Variants in MYO3B observed in about 807,000 individuals in gnomAD.
The protein encoded by MYO3B is myosin IIIB, also known as myosin-IIIb.
MYO3B carries 156 observed loss-of-function variants against 174.6 expected under a neutral mutation model. That is an observed-to-expected ratio of 0.89 (90% CI 0.78 to 1.02). MYO3B has a LOEUF of 1.02. MYO3B is among the 50% of genes least tolerant of loss of function. The pLI, the probability that MYO3B is intolerant of heterozygous loss-of-function variation, is 0.00. For synonymous variants in MYO3B, 563 were observed against 569.1 expected (o/e 0.99, Z 0.15); for missense variants, 1,632 against 1,639.4 (o/e 1.00, Z 0.08).
At chr2:170,286,203 G>A (rs1171027045) in intron 7 of MYO3B, among the ~76,000 whole-genome samples, 3 of 152,160 alleles carry the variant, frequency 2.0e-5, no homozygotes, top group East Asian at 3.8e-4. Flanking sequence ...TTCCAAAGCA[G>A]CCAAAGCAAT....
chr2:170,263,945 C>A (rs1361953027), intron 7 of MYO3B, among the ~76,000 whole-genome samples: 1 of 152,188 alleles, frequency 6.6e-6, no homozygotes, highest in Non-Finnish European at 1.5e-5. Flanking sequence ...AAACCTTGGA[C>A]AATACCTGGC....
At chr2:170,285,732 CT>C (rs2093551248) in intron 7 of MYO3B, among the ~76,000 whole-genome samples, 1 of 151,334 alleles carries the variant, frequency 6.6e-6, no homozygotes, top group Non-Finnish European at 1.5e-5. Flanking sequence ...TGTCAAATTT[CT>C]CGATCTTTTT....
chr2:170,271,892 T>C (rs568143753), intron 7 of MYO3B, among the ~76,000 whole-genome samples: 1 of 152,196 alleles, frequency 6.6e-6, no homozygotes, highest in South Asian at 2.1e-4. Context: ...GAATTTGAGG[T>C]GGGGACTAGT....
chr2:170,248,512 C>T (rs931786354), intron 7 of MYO3B, among the ~76,000 whole-genome samples: 1 of 152,162 alleles, frequency 6.6e-6, no homozygotes, highest in Admixed American at 6.5e-5. Context: ...ATGGGTCTCC[C>T]TGGGCTAAAA....
At position 170,401,705 on chromosome 2, in the gene MYO3B, A is replaced by G. The variant is rs2094477220; in HGVS notation, c.2129+14A>G. 3.1e-6 allele frequency: 5 copies of G among 1,611,106 alleles called. No homozygotes were observed. The highest frequency in any genetic ancestry group is 4.2e-6 in the Non-Finnish European group (5 of 1,179,250). ...CGAAAACATATGGCAAGTTCCTCGG[A>G]GAGCAGAGGGTCTCAGGAGAGCTGT... On this transcript the variant is annotated intron_variant, in intron 18 of 34. Coordinates refer to ENST00000408978, the MANE Select transcript of MYO3B (RefSeq NM_138995.5).
chr2:170,370,355 G>A (rs2094231806), intron 9 of MYO3B, among the ~76,000 whole-genome samples: 1 of 152,164 alleles, frequency 6.6e-6, no homozygotes, highest in East Asian at 1.9e-4. Flanking sequence ...TGGAGGCGTA[G>A]TATCAAGGTG....
chr2:170,367,542 G>A (rs2105674712), intron 8 of MYO3B, among the ~76,000 whole-genome samples: 1 of 152,280 alleles, frequency 6.6e-6, no homozygotes, highest in Middle Eastern at 3.4e-3. Context: ...GTTTATCTTA[G>A]GAGTTTTTAT....
At chr2:170,518,515 C>T (rs1688462353) in intron 29 of MYO3B, among the ~76,000 whole-genome samples, 1 of 152,282 alleles carries the variant, frequency 6.6e-6, no homozygotes, top group Non-Finnish European at 1.5e-5. Flanking sequence ...TAATTGATGG[C>T]AGTTCCCATC....
At chr2:170,529,642 T>A (rs921616273) in intron 30 of MYO3B, among the ~76,000 whole-genome samples, 1 of 152,224 alleles carries the variant, frequency 6.6e-6, no homozygotes, top group Non-Finnish European at 1.5e-5. Flanking sequence ...CGTTGTATCC[T>A]CATCAAGCTC....
intron 8 of MYO3B, among the ~76,000 whole-genome samples, chr2:170,363,099 T>C (rs2094173782): frequency 1.3e-5 from 2 of 152,144 alleles, no homozygotes; most frequent in South Asian, 4.1e-4. Context: ...GGCAGGGAAA[T>C]GCTTGCTCAG....
rs138788291 is a variant in MYO3B, at chr2:170,617,023, G to A, written c.3734-34605G>A. On this transcript the variant is annotated intron_variant, in intron 32 of 34. Coordinates refer to ENST00000408978, the MANE Select transcript of MYO3B (RefSeq NM_138995.5). ...CTACCTCCCATCCATATAACAGTTT[G>A]TCTTAGATCATTAATTTGATTAGCC... 2.4e-3 allele frequency among the ~76,000 whole-genome samples: 361 copies of A among 152,234 alleles called. 2 individuals are homozygous for A. The highest frequency in any genetic ancestry group is 3.6e-3 in the Admixed American group (55 of 15,294).
intron 7 of MYO3B, among the ~76,000 whole-genome samples, chr2:170,245,709 T>A (rs1297709883): frequency 3.9e-5 from 6 of 152,252 alleles, no homozygotes; most frequent in Non-Finnish European, 1.5e-5. Flanking sequence ...CTCTATATTC[T>A]GTGGCTTCTC....
Position 170,519,160 on chromosome 2 carries a change from C to T in MYO3B, c.3473-278C>T, listed in dbSNP as rs1315501467. On this transcript the variant is annotated intron_variant, in intron 29 of 34. Coordinates refer to ENST00000408978, the MANE Select transcript of MYO3B (RefSeq NM_138995.5). The stretch of plus-strand genomic sequence containing the variant: ...CTACCGGGACCCAAATCACTTGGGG[C>T]CTCTAATCTGTGCACTCTTTATATC... 2.6e-5 allele frequency among the ~76,000 whole-genome samples: 4 copies of T among 152,070 alleles called. No homozygotes were observed. In the East Asian group the frequency reaches 7.7e-4, roughly 29 times the overall value.
chr2:170,266,791 A>C (rs2093387136), intron 7 of MYO3B, among the ~76,000 whole-genome samples: 1 of 152,232 alleles, frequency 6.6e-6, no homozygotes, highest in Non-Finnish European at 1.5e-5. Context: ...ATGGCAATAG[A>C]GTGAAACAGT....
chr2:170,353,548 A>G (rs1326498159), intron 8 of MYO3B, among the ~76,000 whole-genome samples: 1 of 152,186 alleles, frequency 6.6e-6, no homozygotes, highest in Admixed American at 6.5e-5. Context: ...GTGAACTTTA[A>G]TGTAAACCAT....
chr2:170,446,296 A>G (rs1036577630), intron 23 of MYO3B, among the ~76,000 whole-genome samples: 4 of 152,130 alleles, frequency 2.6e-5, no homozygotes, highest in African/African-American at 9.7e-5. Flanking sequence ...AGAAACATTA[A>G]AGAACCCCGT....
intron 32 of MYO3B, among the ~76,000 whole-genome samples, chr2:170,647,718 A>G (rs1421430454): frequency 6.6e-6 from 1 of 152,242 alleles, no homozygotes; most frequent in Non-Finnish European, 1.5e-5. Flanking sequence ...AATTAAGAAC[A>G]TTCTATCCAA....
intron 32 of MYO3B, among the ~76,000 whole-genome samples, chr2:170,624,846 C>T (rs1171553776): frequency 6.6e-6 from 1 of 152,124 alleles, no homozygotes; most frequent in Non-Finnish European, 1.5e-5. Flanking sequence ...CTCTTTGGTT[C>T]TGTTTATATG....
At chr2:170,238,121 A>T (rs1014021074) in intron 7 of MYO3B, among the ~76,000 whole-genome samples, 2 of 152,166 alleles carry the variant, frequency 1.3e-5, no homozygotes, top group Non-Finnish European at 2.9e-5. Context: ...CTTTAAAATT[A>T]CTCTGTCAAT....
Sources: allele counts gnomAD v4.1 joint callset (sites outside exome capture counted in the v4.1 genomes callset), GRCh38; gene constraint gnomAD v4.1.1; transcripts MANE v1.5; gene names NCBI Gene and HGNC (gene_info 2026-07-23, HGNC 2026-07-21).